Variants in DOCK1 observed in about 807,000 individuals in gnomAD.
DOCK1 encodes the protein dedicator of cytokinesis 1.
In DOCK1, 138 loss-of-function variants were observed where a neutral mutation model predicts 262.7. That is an observed-to-expected ratio of 0.53 (90% CI 0.46 to 0.61). DOCK1 has a LOEUF of 0.61. DOCK1 is among the 20% of genes least tolerant of loss of function. DOCK1 has a pLI of 0.00. For synonymous variants in DOCK1, 866 were observed against 867.4 expected, an observed-to-expected ratio of 1.00 and a Z score of 0.03; for missense variants, 1,908 against 2,370.7, an observed-to-expected ratio of 0.80 and a Z score of 4.05.
At chr10:127,082,441 G>A (rs2046958356) in intron 23 of DOCK1, among the ~76,000 whole-genome samples, 1 of 152,144 alleles carries the variant, frequency 6.6e-6, no homozygotes, top group African/African-American at 2.4e-5. Context: ...TGAAGGAGTA[G>A]CCAAGGCATG....
intron 12 of DOCK1, among the ~76,000 whole-genome samples, chr10:127,013,065 T>G (rs943696670): frequency 2.6e-5 from 4 of 152,224 alleles, no homozygotes; most frequent in African/African-American, 9.6e-5. Flanking sequence ...TCCAGCTACC[T>G]TATGTCACTA....
chr10:127,330,704 G>C (rs1034959658), intron 29 of DOCK1, among the ~76,000 whole-genome samples: 8 of 152,202 alleles, frequency 5.3e-5, no homozygotes, highest in African/African-American at 1.9e-4. Flanking sequence ...TCCAGCTTCT[G>C]CCAAGAGCAA....
At chr10:127,418,619 C>T (rs992760320) in intron 45 of DOCK1, 78 bp downstream of exon 45, 1 of 1,489,248 alleles carries the variant, frequency 6.7e-7, no homozygotes, top group Non-Finnish European at 8.9e-7. Flanking sequence ...GTCCCCAAAG[C>T]CCAGAAACGC....
chr10:127,328,026 T>C (rs2062815409), intron 29 of DOCK1, among the ~76,000 whole-genome samples: 1 of 147,520 alleles, frequency 6.8e-6, no homozygotes, highest in Non-Finnish European at 1.5e-5. Flanking sequence ...AAATGCGTAG[T>C]GAGTAGAAGT....
intron 27 of DOCK1, among the ~76,000 whole-genome samples, chr10:127,192,190 G>A (rs563402801): frequency 6.6e-6 from 1 of 152,226 alleles, no homozygotes; most frequent in East Asian, 1.9e-4. Context: ...AGGATAGTGT[G>A]GTAAAGAGAA....
intron 23 of DOCK1, among the ~76,000 whole-genome samples, chr10:127,103,459 A>G (rs1177457366): frequency 6.6e-6 from 1 of 152,166 alleles, no homozygotes; most frequent in East Asian, 1.9e-4. Flanking sequence ...GGGTGAAGGG[A>G]CAGGGAGATG....
At chr10:127,362,992 C>CA (rs56024519) in intron 33 of DOCK1, among the ~76,000 whole-genome samples, 5 of 128,964 alleles carry the variant, frequency 3.9e-5, no homozygotes, top group South Asian at 2.3e-4. Flanking sequence ...CACATCCCCC[C>CA]CCACACACAC....
rs774829252 is a variant in DOCK1 at position 127,032,254 on chromosome 10, T to C, written c.1846T>C (p.Cys616Arg). ...TGKSMQSLGS[C>R]TISKDSFQIS... ...CAAGAGCATGCAGAGCCTTGGGAGC[T>C]GCACCATTAGCAAGGACTCCTTCCA... Residue 616 changes from cysteine (C) to arginine (R), a missense_variant, in exon 18 of 52, where the codon TGC (cysteine) becomes CGC (arginine). This residue lies in a region of DOCK1 where 294 missense variants were observed against 439.9 expected (regional missense o/e 0.67). Transcript: ENST00000623213. 3 of 1,599,096 alleles carry C rather than the reference T, an allele frequency of 1.9e-6. No homozygotes were observed. Among genetic ancestry groups the C allele is most frequent in the African/African-American group, 1.3e-5 (1 of 74,542 alleles).
chr10:127,031,699 G>T lies in DOCK1; in HGVS notation c.1674G>T (p.Met558Ile). The T allele has an allele frequency of 6.2e-7, 1 of 1,613,194 alleles. No homozygotes were observed. The highest frequency in any genetic ancestry group is 8.5e-7 in the Non-Finnish European group (1 of 1,179,818). The part of the protein sequence containing the change: ...KIFALAFVKL[M>I]RYDGTTLRDG... The stretch of plus-strand genomic sequence containing the variant: ...TTGCACTAGCATTTGTCAAGCTGAT[G>T]AGATACGATGGTACCACCCTGCGAG... The change falls in exon 17 of 52, where the codon ATG becomes ATT. Residue 558 changes from methionine to isoleucine, a missense_variant. Coordinates refer to ENST00000623213, the MANE Select transcript of DOCK1 (RefSeq NM_001290223.2).
At position 127,331,442 on chromosome 10, in the gene DOCK1, C is replaced by T. The variant is rs575282040; in HGVS notation, c.3045-7564C>T. 2.0e-4 allele frequency among the ~76,000 whole-genome samples: 31 copies of T among 152,196 alleles called. No individual in the cohort carries two copies. The South Asian group carries it at 3.7e-3, about 18-fold the overall frequency. On this transcript the variant is annotated intron_variant, in intron 29 of 51. Coordinates refer to ENST00000623213, the MANE Select transcript of DOCK1 (RefSeq NM_001290223.2). The stretch of plus-strand genomic sequence containing the variant: ...GATTACAGACGCCTGCCACCATGCC[C>T]GGGTAATTTTTGTATTTTTAGTAGA...
chr10:127,418,051 T>G (rs117174446), intron 44 of DOCK1, among the ~76,000 whole-genome samples: 8,043 of 152,136 alleles, frequency 0.053, 279 homozygotes, highest in Non-Finnish European at 0.071. Context: ...ATTGGAAGTG[T>G]CTGTTCTGAA....
chr10:127,174,916 C>T (rs2054939277), intron 27 of DOCK1, among the ~76,000 whole-genome samples: 1 of 152,058 alleles, frequency 6.6e-6, no homozygotes, highest in African/African-American at 2.4e-5. Context: ...TATCATAAAC[C>T]TTTAGCCCTA....
intron 21 of DOCK1, among the ~76,000 whole-genome samples, chr10:127,049,359 G>A (rs1398323065): frequency 2.0e-5 from 3 of 151,892 alleles, no homozygotes; most frequent in African/African-American, 7.3e-5. Flanking sequence ...CATCTCTACT[G>A]AAAATACAAA....
chr10:127,176,196 C>G lies in DOCK1; in HGVS notation c.2847+48432C>G. 6.2e-7 allele frequency: 1 copy of G among 1,614,098 alleles called. No homozygotes were observed. ...GGCCTCCCGCTTCTCCCCCAGCTGG[C>G]CCGAGGACAGCTGTGTGTCCCTCTG... On this transcript the variant is annotated intron_variant, in intron 27 of 51. Transcript: ENST00000623213. This position sits in a 1 kb window ranked among gnomAD's most constrained non-coding sequence, Gnocchi z 4.4.
intron 38 of DOCK1, among the ~76,000 whole-genome samples, chr10:127,401,540 G>T (rs2067224582): frequency 6.6e-6 from 1 of 152,070 alleles, no homozygotes; most frequent in African/African-American, 2.4e-5. Flanking sequence ...TTTTCCGGTG[G>T]AATGCCCCTG....
At chr10:127,028,060 G>A (rs1288008773) in intron 16 of DOCK1, among the ~76,000 whole-genome samples, 5 of 151,450 alleles carry the variant, frequency 3.3e-5, no homozygotes, top group Non-Finnish European at 7.4e-5. Flanking sequence ...GGTGCATGGC[G>A]GGGGAGTGCG....
At chr10:127,427,395 T>C (rs1328085072) in intron 47 of DOCK1, among the ~76,000 whole-genome samples, 3 of 152,232 alleles carry the variant, frequency 2.0e-5, no homozygotes, top group African/African-American at 7.2e-5. Context: ...TATTGAACCC[T>C]GTTTTCTTTG....
intron 27 of DOCK1, among the ~76,000 whole-genome samples, chr10:127,227,827 T>C (rs1011196116): frequency 6.6e-6 from 1 of 152,190 alleles, no homozygotes; most frequent in Non-Finnish European, 1.5e-5. Context: ...GGCATTGACA[T>C]TGGGGTTTGA....
intron 30 of DOCK1, among the ~76,000 whole-genome samples, chr10:127,342,107 C>T (rs77599543): frequency 3.7e-5 from 4 of 108,718 alleles, no homozygotes; most frequent in East Asian, 6.8e-4. Context: ...GCTGCTGCTG[C>T]TGCTGCTGTT....
Sources: gnomAD v4.1 joint callset for allele counts (sites outside exome capture counted in the v4.1 genomes callset) on GRCh38, gnomAD v4.1.1 for gene constraint, gnomAD v4.1.1 regional missense constraint, Gnocchi (gnomAD v3.1) non-coding constraint, MANE v1.5 for transcripts, NCBI Gene and HGNC (gene_info 2026-07-23, HGNC 2026-07-21) for gene names.